ZNF215: variants seen among roughly 807,000 people sequenced by gnomAD.
The protein encoded by ZNF215 is zinc finger protein 215.
ZNF215 carries 24 observed loss-of-function variants against 27.2 expected under a neutral mutation model. The ratio of observed to expected loss-of-function variants is 0.88; its 90% CI spans 0.64 to 1.24. The LOEUF (loss-of-function observed/expected upper bound fraction) is 1.24, where lower values mean the gene tolerates loss of function less well. Ranked by LOEUF, ZNF215 falls within the 50% of genes most tolerant of loss-of-function variation. The probability of loss-of-function intolerance (pLI) is 0.00; values close to 1 mark genes in which losing one functional copy is unlikely to be tolerated. For missense variants in ZNF215, 675 were observed against 605.7 expected, an observed-to-expected ratio of 1.11 and a Z score of -1.20; for synonymous variants, 210 against 204.0, an observed-to-expected ratio of 1.03 and a Z score of -0.25.
At chr11:6,990,232 A>T (rs976060082), downstream of ZNF215, among the ~76,000 whole-genome samples, 1 of 152,156 alleles carries the variant, frequency 6.6e-6, no homozygotes, top group Non-Finnish European at 1.5e-5. Flanking sequence ...ATTTCTTCGT[A>T]GCAGTATGTT....
downstream of ZNF215, among the ~76,000 whole-genome samples, chr11:6,961,081 G>T (rs1356755524): frequency 6.6e-6 from 1 of 152,046 alleles, no homozygotes; most frequent in African/African-American, 2.4e-5. Context: ...TTAAATCCCA[G>T]GTTTCAGATG....
chr11:6,940,979 C>T lies in ZNF215; in HGVS notation c.401-592C>T, dbSNP rs75708540. Among the ~76,000 whole-genome samples, 336 of 152,270 alleles carry T rather than the reference C, an allele frequency of 2.2e-3. 1 individual carries two copies. Among genetic ancestry groups the T allele is most frequent in the African/African-American group, 7.8e-3 (326 of 41,550 alleles). On this transcript the variant is annotated intron_variant, in intron 3 of 6. Transcript: ENST00000278319. Reference sequence around the variant, plus strand: ...TGACACTTGAGGATCACTGATGTAACTCATGAATCTTCCAGAGTGGCCCTT... The same window carrying T: ...TGACACTTGAGGATCACTGATGTAATTCATGAATCTTCCAGAGTGGCCCTT...
chr11:6,948,747 T>C (rs1239054570), intron 6 of ZNF215, among the ~76,000 whole-genome samples: 4 of 152,018 alleles, frequency 2.6e-5, no homozygotes, highest in Non-Finnish European at 4.4e-5. Context: ...TTTAATTTTT[T>C]TATTTTTATT....
intron 6 of ZNF215, among the ~76,000 whole-genome samples, chr11:6,954,669 C>G (rs1053114531): frequency 5.3e-5 from 8 of 152,232 alleles, no homozygotes; most frequent in Non-Finnish European, 7.3e-5. Context: ...AGGGAACTCC[C>G]TGACCCCTTG....
chr11:6,950,630 G>T (rs1302443094), intron 6 of ZNF215, among the ~76,000 whole-genome samples: 1 of 150,942 alleles, frequency 6.6e-6, no homozygotes, highest in Non-Finnish European at 1.5e-5. Context: ...AGGAGATTTT[G>T]GGCTGAGACG....
chr11:6,982,791 C>T (rs569158603), intron 5 of ZNF215, among the ~76,000 whole-genome samples: 182 of 151,768 alleles, frequency 1.2e-3, no homozygotes, highest in Admixed American at 5.0e-3. Flanking sequence ...ACTAAATGCC[C>T]ACAAGAGAAA....
At chr11:6,942,851 A>G (rs1761970325) in intron 4 of ZNF215, among the ~76,000 whole-genome samples, 1 of 152,128 alleles carries the variant, frequency 6.6e-6, no homozygotes, top group Non-Finnish European at 1.5e-5. Flanking sequence ...TAGAATAAGG[A>G]CTGCACTTCA....
chr11:6,936,952 C>T (rs1393288943), intron 3 of ZNF215, among the ~76,000 whole-genome samples: 1 of 149,244 alleles, frequency 6.7e-6, no homozygotes, highest in East Asian at 1.9e-4. Context: ...TTATGAAAAA[C>T]CCACAGTTAA....
Position 6,957,218 on chromosome 11 carries a change from T to A in ZNF215, c.*687T>A. ...ATGTTTTTGTTTTGTTATAATGTTA[T>A]AATTGTTATGATGTTGATGAGAAAA... On this transcript the variant is annotated 3_prime_UTR_variant, in exon 7 of 7. Coordinates refer to ENST00000278319, the MANE Select transcript of ZNF215 (RefSeq NM_013250.4). The A allele has an allele frequency of 1.0e-6, 1 of 978,844 alleles. No individual in the cohort carries two copies. Among genetic ancestry groups the A allele is most frequent in the Non-Finnish European group, 1.2e-6 (1 of 823,914 alleles). The allele number at this position is 978,844 out of a possible 1,614,324, so 60.6% of individuals were successfully genotyped here.
intron 3 of ZNF215, among the ~76,000 whole-genome samples, chr11:6,934,206 C>A (rs572590714): frequency 1.6e-4 from 25 of 152,188 alleles, no homozygotes; most frequent in African/African-American, 6.0e-4. Context: ...AGATTGGTAT[C>A]TGAGTTAAGA....
chr11:6,983,806 C>A (rs867565214), intron 5 of ZNF215, among the ~76,000 whole-genome samples: 3 of 152,032 alleles, frequency 2.0e-5, no homozygotes, highest in Non-Finnish European at 2.9e-5. Context: ...ACATAAAAAG[C>A]TGATAAAAAC....
chr11:6,937,486 C>CTTTTTT (rs57676890), intron 3 of ZNF215, among the ~76,000 whole-genome samples: 2 of 118,918 alleles, frequency 1.7e-5, no homozygotes, highest in African/African-American at 6.7e-5. Context: ...ATCTCAGCTG[C>CTTTTTT]TTTTTTTTTT....
At chr11:6,962,236 G>C (rs1850529495), downstream of ZNF215, among the ~76,000 whole-genome samples, 1 of 152,132 alleles carries the variant, frequency 6.6e-6, no homozygotes, top group South Asian at 2.1e-4. Context: ...GTCATGTAAA[G>C]AGGGCACTTT....
chr11:6,981,510 C>T (rs1473983632), intron 5 of ZNF215, among the ~76,000 whole-genome samples: 3 of 152,144 alleles, frequency 2.0e-5, no homozygotes, highest in Non-Finnish European at 2.9e-5. Context: ...TGGATATCAG[C>T]CTTTTGTCAG....
Position 6,932,177 on chromosome 11 carries a change from C to G in ZNF215, c.-96C>G. The G allele has an allele frequency of 4.2e-6, 6 of 1,445,434 alleles. No individual in the cohort carries two copies. The highest frequency in any genetic ancestry group is 5.6e-6 in the Non-Finnish European group (6 of 1,077,384). 89.5% of individuals were successfully genotyped at this position (1,445,434 alleles called of 1,614,324 possible). A position where few individuals can be genotyped will look rare whatever the true frequency, so the allele number is the denominator to read the frequency against. ...CCGTGAAATAACTTGGCTTAAATCA[C>G]ACTGCATATAGTACACAGGTGCTTA... On this transcript the variant is annotated 5_prime_UTR_variant, in exon 3 of 7. Coordinates refer to ENST00000278319, the MANE Select transcript of ZNF215 (RefSeq NM_013250.4).
At chr11:6,942,559 A>G (rs1849665418) in intron 4 of ZNF215, among the ~76,000 whole-genome samples, 1 of 152,224 alleles carries the variant, frequency 6.6e-6, no homozygotes, top group Non-Finnish European at 1.5e-5. Flanking sequence ...TAGGGAGGCT[A>G]CTTTGGGCAG....
intron 5 of ZNF215, among the ~76,000 whole-genome samples, chr11:6,969,317 A>C (rs145779117): frequency 1.2e-3 from 187 of 152,304 alleles, no homozygotes; most frequent in African/African-American, 4.4e-3. Flanking sequence ...TCCTGTATCA[A>C]ATTTTCTCCA....
chr11:6,930,839 A>G (rs1590043368), intron 2 of ZNF215, among the ~76,000 whole-genome samples: 1 of 152,370 alleles, frequency 6.6e-6, no homozygotes, highest in Non-Finnish European at 1.5e-5. Context: ...TATAGTAACT[A>G]GTACATCTGG....
At chr11:6,932,718 T>G in intron 3 of ZNF215, 46 bp downstream of exon 3, 2 of 1,528,248 alleles carry the variant, frequency 1.3e-6, no homozygotes, top group Non-Finnish European at 1.8e-6. Flanking sequence ...ACCTTTCCCA[T>G]GTAAAGAGAA....
Sources: gnomAD v4.1 joint callset for allele counts (sites outside exome capture counted in the v4.1 genomes callset) on GRCh38, gnomAD v4.1.1 for gene constraint, MANE v1.5 for transcripts, NCBI Gene and HGNC (gene_info 2026-07-23, HGNC 2026-07-21) for gene names.